The following PEBP4 variants were observed in gnomAD, a reference collection of about 807,000 sequenced individuals.
PEBP4 encodes phosphatidylethanolamine-binding protein 4.
Under a neutral mutation model 23.9 loss-of-function variants are expected in PEBP4, and 22 were observed. The ratio of observed to expected loss-of-function variants is 0.92; its 90% CI spans 0.66 to 1.31. The LOEUF is 1.31. Among genes scored for constraint, PEBP4 ranks in the 40% most tolerant of loss-of-function variants. PEBP4 has a pLI of 0.00. For missense variants in PEBP4, 324 were observed against 281.7 expected, an observed-to-expected ratio of 1.15 and a Z score of -1.07; for synonymous variants, 112 against 99.3, an observed-to-expected ratio of 1.13 and a Z score of -0.76.
chr8:22,862,955 C>A (rs796449541), intron 3 of PEBP4, among the ~76,000 whole-genome samples: 1 of 152,082 alleles, frequency 6.6e-6, no homozygotes, highest in Non-Finnish European at 1.5e-5. Flanking sequence ...CGCCCGCCCC[C>A]ACGCCTGGAT....
intron 3 of PEBP4, among the ~76,000 whole-genome samples, chr8:22,906,632 A>T (rs35412716): frequency 0.078 from 11,848 of 152,310 alleles, 794 homozygotes; most frequent in African/African-American, 0.18. Flanking sequence ...ACTGTCCATC[A>T]CCATCACCAC....
chr8:22,779,072 G>T (rs1805868338), intron 4 of PEBP4, among the ~76,000 whole-genome samples: 1 of 151,070 alleles, frequency 6.6e-6, no homozygotes, highest in Admixed American at 6.6e-5. Flanking sequence ...AGGTGGGCGG[G>T]GGAGGTGGGG....
chr8:22,886,124 C>T (rs1808368846), intron 3 of PEBP4: 1 of 152,240 alleles, frequency 6.6e-6, no homozygotes, highest in Admixed American at 6.5e-5. Flanking sequence ...TCCAGAATAA[C>T]TATCTGTTCG....
upstream of PEBP4, among the ~76,000 whole-genome samples, chr8:22,929,739 A>G (rs1809425681): frequency 6.6e-6 from 1 of 152,016 alleles, no homozygotes; most frequent in Non-Finnish European, 1.5e-5. Context: ...ACAGGGTCTC[A>G]CTCTCATCGC....
chr8:22,803,215 C>G (rs146941370), intron 4 of PEBP4, among the ~76,000 whole-genome samples: 1,690 of 152,234 alleles, frequency 0.011, 25 homozygotes, highest in South Asian at 0.061. Context: ...CTCTGGCAGA[C>G]GACTTCTCCT....
intron 3 of PEBP4, among the ~76,000 whole-genome samples, chr8:22,876,640 C>A (rs553241620): frequency 6.6e-6 from 1 of 152,184 alleles, no homozygotes; most frequent in Non-Finnish European, 1.5e-5. Flanking sequence ...CGTGCTTCAT[C>A]GATGACAGTG....
At chr8:22,798,976 G>A (rs754439255) in intron 4 of PEBP4, among the ~76,000 whole-genome samples, 36 of 152,086 alleles carry the variant, frequency 2.4e-4, no homozygotes, top group Non-Finnish European at 4.1e-4. Context: ...GACCTCAAGT[G>A]ATCTGCCCAT....
At chr8:22,851,574 A>G (rs1182321396) in intron 3 of PEBP4, among the ~76,000 whole-genome samples, 3 of 152,226 alleles carry the variant, frequency 2.0e-5, no homozygotes, top group African/African-American at 7.2e-5. Flanking sequence ...CTTCTAACTC[A>G]TGTTGCGGTG....
intron 6 of PEBP4, among the ~76,000 whole-genome samples, chr8:22,724,031 A>G (rs1295494516): frequency 1.3e-5 from 2 of 152,206 alleles, no homozygotes; most frequent in Admixed American, 1.3e-4. Context: ...TGCTTCTTGC[A>G]CTTCCAGATG....
At chr8:22,890,797 G>T (rs1030308370) in intron 3 of PEBP4, among the ~76,000 whole-genome samples, 4 of 152,076 alleles carry the variant, frequency 2.6e-5, no homozygotes, top group African/African-American at 9.7e-5. Context: ...TAGTAACTTG[G>T]GAATAAAGTT....
chr8:22,789,588 G>A (rs1376795736), intron 4 of PEBP4, among the ~76,000 whole-genome samples: 1 of 152,130 alleles, frequency 6.6e-6, no homozygotes, highest in Non-Finnish European at 1.5e-5. Flanking sequence ...GCTGCTCTAG[G>A]CCACAGGAAA....
chr8:22,924,943 A>G (rs531299645), intron 2 of PEBP4: 1 of 985,314 alleles, frequency 1.0e-6, no homozygotes, highest in South Asian at 4.7e-5. Context: ...ACCTTTAGGC[A>G]TTGAGTCCAA....
chr8:22,925,231 T>C, intron 2 of PEBP4: 1 of 985,460 alleles, frequency 1.0e-6, no homozygotes, highest in Non-Finnish European at 1.2e-6. Context: ...CTTCCTGGCA[T>C]GCAACCTTAA....
chr8:22,873,379 A>G (rs150463200), intron 3 of PEBP4, among the ~76,000 whole-genome samples: 20 of 152,290 alleles, frequency 1.3e-4, no homozygotes, highest in African/African-American at 4.6e-4. Context: ...CTATAACCCC[A>G]GCACTTTGGG....
intron 4 of PEBP4, among the ~76,000 whole-genome samples, chr8:22,752,822 CA>C (rs1285676891): frequency 6.6e-6 from 1 of 152,224 alleles, no homozygotes; most frequent in African/African-American, 2.4e-5. Context: ...AAGAGGTCGT[CA>C]TCTTTCTGCC....
chr8:22,890,396 C>G (rs139818398), intron 3 of PEBP4, among the ~76,000 whole-genome samples: 4 of 152,224 alleles, frequency 2.6e-5, no homozygotes, highest in African/African-American at 7.2e-5. Context: ...ATTTTAGGAA[C>G]TTTATGTCAA....
At chr8:22,834,397 G>A (rs2128764569) in intron 3 of PEBP4, among the ~76,000 whole-genome samples, 1 of 151,918 alleles carries the variant, frequency 6.6e-6, no homozygotes, top group South Asian at 2.1e-4. Flanking sequence ...TCAGGCTGGT[G>A]TCCAGCAGCC....
intron 4 of PEBP4, among the ~76,000 whole-genome samples, chr8:22,809,282 T>C (rs1411003671): frequency 1.3e-5 from 2 of 152,128 alleles, no homozygotes; most frequent in Admixed American, 6.5e-5. Context: ...AATTTGCTCA[T>C]AGTAAGTAGA....
At chr8:22,870,772 A>G (rs1166634399) in intron 3 of PEBP4, among the ~76,000 whole-genome samples, 1 of 152,084 alleles carries the variant, frequency 6.6e-6, no homozygotes, top group African/African-American at 2.4e-5. Flanking sequence ...AGTAAAGTCT[A>G]TTGAGAAAAA....
Sources: allele counts gnomAD v4.1 joint callset (sites outside exome capture counted in the v4.1 genomes callset), GRCh38; gene constraint gnomAD v4.1.1; transcripts MANE v1.5; gene names NCBI Gene and HGNC (gene_info 2026-07-23, HGNC 2026-07-21).